Variants in ADAMTS6 observed in about 807,000 individuals in gnomAD.
The protein encoded by ADAMTS6 is A disintegrin and metalloproteinase with thrombospondin motifs 6.
ADAMTS6 carries 23 observed loss-of-function variants against 144.3 expected under a neutral mutation model. That is an observed-to-expected ratio of 0.16 (90% CI 0.11 to 0.23). The LOEUF (loss-of-function observed/expected upper bound fraction) is 0.23. ADAMTS6 is among the 10% of genes least tolerant of loss of function. The pLI is 1.00. For synonymous variants in ADAMTS6, 444 were observed against 457.5 expected (o/e 0.97, Z 0.38); for missense variants, 999 against 1,379.6 (o/e 0.72, Z 4.37).
chr5:65,407,300 T>C (rs1359504677), intron 7 of ADAMTS6, among the ~76,000 whole-genome samples: 1 of 150,712 alleles, frequency 6.6e-6, no homozygotes, highest in Non-Finnish European at 1.5e-5. Flanking sequence ...GCAGAAACTC[T>C]AAAAGCCAGA....
chr5:65,155,779 TG>T (rs1752378210), intron 24 of ADAMTS6, among the ~76,000 whole-genome samples: 1 of 152,346 alleles, frequency 6.6e-6, no homozygotes, highest in East Asian at 1.9e-4. Context: ...TACCTGTCTC[TG>T]ACTCTGTATT....
At position 65,453,552 on chromosome 5, in the gene ADAMTS6, T is replaced by G. The variant is rs115842959; in HGVS notation, c.632-634A>C. On this transcript the variant is annotated intron_variant, in intron 4 of 24. Coordinates refer to ENST00000381055, the MANE Select transcript of ADAMTS6 (RefSeq NM_197941.4). Reference sequence around the variant, plus strand: ...GAGGTAAGAGACATTCAATTATAGTTGAAAGATCACGATTCCAGCATAATT... The same window carrying G: ...GAGGTAAGAGACATTCAATTATAGTGGAAAGATCACGATTCCAGCATAATT... Among the ~76,000 whole-genome samples the G allele has an allele frequency of 4.0e-3, 611 of 152,344 alleles. 2 individuals carry two copies. The highest frequency in any genetic ancestry group is 0.014 in the African/African-American group (586 of 41,576).
intron 9 of ADAMTS6, among the ~76,000 whole-genome samples, chr5:65,314,244 C>T (rs1437003662): frequency 6.6e-6 from 1 of 151,990 alleles, no homozygotes; most frequent in African/African-American, 2.4e-5. Context: ...AAGGACTGAA[C>T]ATGCGAAGGA....
At chr5:65,263,057 G>A in intron 12 of ADAMTS6, 95 bp from the exon 13 acceptor site, 1 of 1,460,424 alleles carries the variant, frequency 6.8e-7, no homozygotes, top group South Asian at 1.2e-5. Flanking sequence ...CCAACTATAG[G>A]CATTAGCATT....
chr5:65,371,955 G>A (rs1162614030), intron 7 of ADAMTS6, among the ~76,000 whole-genome samples: 1 of 152,056 alleles, frequency 6.6e-6, no homozygotes, highest in Non-Finnish European at 1.5e-5. Context: ...AGAAGAGAGT[G>A]GGCGCCAATA....
In ADAMTS6 at chr5:65,170,826, G is replaced by C. The variant is rs573217036; in HGVS notation, c.3088-53C>G. On this transcript the variant is annotated intron_variant, in intron 23 of 24. Coordinates refer to ENST00000381055, the MANE Select transcript of ADAMTS6 (RefSeq NM_197941.4). ...ATATTAATCTCAACAATTTTCAGGA[G>C]GTAAAAAATATACTATGTCATTTCA... 61 of 1,555,848 alleles carry C rather than the reference G, an allele frequency of 3.9e-5. No homozygotes were observed. The East Asian group carries it at 1.3e-3, about 34-fold the overall frequency.
intron 10 of ADAMTS6, among the ~76,000 whole-genome samples, chr5:65,296,681 C>T (rs1291594833): frequency 6.6e-6 from 1 of 152,070 alleles, no homozygotes; most frequent in East Asian, 1.9e-4. Flanking sequence ...TATATCAGTT[C>T]TCTTGTAGAT....
At chr5:65,347,573 C>A (rs767328255) in intron 7 of ADAMTS6, among the ~76,000 whole-genome samples, 1 of 151,886 alleles carries the variant, frequency 6.6e-6, no homozygotes, top group Non-Finnish European at 1.5e-5. Context: ...AGGAGAAAAG[C>A]TCCACAACAT....
chr5:65,227,691 C>T (rs1006554099), intron 15 of ADAMTS6, among the ~76,000 whole-genome samples: 5 of 152,072 alleles, frequency 3.3e-5, no homozygotes, highest in Admixed American at 2.6e-4. Context: ...CAGCACATTC[C>T]AGTATAGGAG....
At chr5:65,408,235 T>A (rs1164656482) in intron 7 of ADAMTS6, among the ~76,000 whole-genome samples, 4 of 152,134 alleles carry the variant, frequency 2.6e-5, no homozygotes, top group African/African-American at 9.7e-5. Flanking sequence ...CCCATCAGTG[T>A]GCTGTATTCA....
chr5:65,297,558 T>G (rs565825571), intron 10 of ADAMTS6, among the ~76,000 whole-genome samples: 1 of 152,344 alleles, frequency 6.6e-6, no homozygotes, highest in African/African-American at 2.4e-5. Context: ...GAGCCTTTTC[T>G]AGCCAACTAT....
At chr5:65,206,819 T>C (rs559573350) in intron 20 of ADAMTS6, among the ~76,000 whole-genome samples, 131 of 124,488 alleles carry the variant, frequency 1.1e-3, no homozygotes, top group Middle Eastern at 3.7e-3. Context: ...GCTGTTTTTT[T>C]TCTCTCTCTC....
intron 7 of ADAMTS6, among the ~76,000 whole-genome samples, chr5:65,352,893 T>G (rs903957160): frequency 1.3e-5 from 2 of 152,030 alleles, no homozygotes; most frequent in Non-Finnish European, 2.9e-5. Context: ...TATAAGACCC[T>G]AAATGATATG....
intron 23 of ADAMTS6, among the ~76,000 whole-genome samples, chr5:65,172,368 C>T (rs899601981): frequency 1.4e-4 from 21 of 150,410 alleles, no homozygotes; most frequent in Non-Finnish European, 2.4e-4. Context: ...GAGCCGAGAT[C>T]GCGCCACTGC....
intron 10 of ADAMTS6, 74 bp downstream of exon 10, chr5:65,299,911 A>G (rs1580333734): frequency 2.0e-6 from 3 of 1,486,770 alleles, no homozygotes; most frequent in East Asian, 4.6e-5. Flanking sequence ...CAAAGTTGAA[A>G]GCACTACATG....
intron 7 of ADAMTS6, among the ~76,000 whole-genome samples, chr5:65,349,558 TA>T (rs1748646391): frequency 6.6e-6 from 1 of 152,016 alleles, no homozygotes; most frequent in African/African-American, 2.4e-5. Flanking sequence ...AAAGTGGGCT[TA>T]AAAAAGACTT....
chr5:65,264,950 A>T (rs1761492618), intron 12 of ADAMTS6, among the ~76,000 whole-genome samples: 1 of 152,138 alleles, frequency 6.6e-6, no homozygotes, highest in Non-Finnish European at 1.5e-5. Flanking sequence ...ATCACATGGC[A>T]GGAAGGAACT....
chr5:65,269,944 C>T (rs1277332754), intron 12 of ADAMTS6, among the ~76,000 whole-genome samples: 7 of 151,990 alleles, frequency 4.6e-5, no homozygotes, highest in Admixed American at 2.6e-4. Context: ...CAGGTGCCTG[C>T]CACCATGCCC....
chr5:65,364,592 A>G (rs1307058634), intron 7 of ADAMTS6, among the ~76,000 whole-genome samples: 19 of 135,192 alleles, frequency 1.4e-4, no homozygotes, highest in African/African-American at 5.3e-4. Flanking sequence ...TTTGGGACAG[A>G]GCCTTGCTCT....
Sources: gnomAD v4.1 joint callset for allele counts (sites outside exome capture counted in the v4.1 genomes callset) on GRCh38, gnomAD v4.1.1 for gene constraint, MANE v1.5 for transcripts, NCBI Gene and HGNC (gene_info 2026-07-23, HGNC 2026-07-21) for gene names.